Variants in SYNJ2 observed in about 807,000 individuals in gnomAD.
The protein encoded by SYNJ2 is polyphosphatidylinositol phosphatase SYNJ2.
In SYNJ2, 116 loss-of-function variants were observed where a neutral mutation model predicts 141.3. The ratio of observed to expected loss-of-function variants is 0.82; its 90% CI spans 0.71 to 0.96. The LOEUF is 0.96. Among genes scored for constraint, SYNJ2 ranks in the 40% least tolerant of loss-of-function variants. SYNJ2 has a pLI of 0.00. For synonymous variants in SYNJ2, 745 were observed against 777.7 expected (o/e 0.96, Z 0.70); for missense variants, 1,873 against 1,934.8 (o/e 0.97, Z 0.60).
At chr6:158,058,205 T>A (rs1583426398) in intron 6 of SYNJ2, among the ~76,000 whole-genome samples, 1 of 152,356 alleles carries the variant, frequency 6.6e-6, no homozygotes, top group Middle Eastern at 3.4e-3. Flanking sequence ...ACTTTTGACA[T>A]CATGTGTTTT....
chr6:158,095,884 G>C lies in SYNJ2; in HGVS notation c.4011G>C (p.Lys1337Asn). ...PLVPKVPPRR[K>N]KSAPAAFHLQ... ...TGCCCAAGGTACCCCCGAGGAGGAA[G>C]AAGTCAGCCCCCGCAGCCTTCCACC... The change falls in exon 27 of 27, where the codon AAG (lysine) becomes AAC (asparagine). Residue 1337 changes from lysine (K) to asparagine (N), a missense_variant. Physicochemically the swap from Lys to Asn is moderately conservative, Grantham distance 94. Coordinates refer to ENST00000355585, the MANE Select transcript of SYNJ2 (RefSeq NM_003898.4). 6.2e-7 allele frequency: 1 copy of C among 1,614,134 alleles called. No individual in the cohort carries two copies.
intron 26 of SYNJ2, chr6:158,093,966 G>A (rs755455658): frequency 3.9e-6 from 3 of 765,190 alleles, no homozygotes; most frequent in Non-Finnish European, 7.2e-6. Flanking sequence ...GACAGTAGCA[G>A]CCCAAAGACT....
rs561568249 is a variant in SYNJ2, at chr6:158,031,599, C to A, written c.486-1856C>A. 1.2e-3 allele frequency among the ~76,000 whole-genome samples: 180 copies of A among 144,582 alleles called. 1 individual carries two copies. Among genetic ancestry groups the A allele is most frequent in the East Asian group, 2.4e-3 (12 of 5,018 alleles). The allele number at this position is 144,582 out of a possible 152,430, so 94.9% of individuals were successfully genotyped here. On this transcript the variant is annotated intron_variant, in intron 3 of 26. Coordinates refer to ENST00000355585, the MANE Select transcript of SYNJ2 (RefSeq NM_003898.4). ...GTGGTTCTGGGCTTGATCGCCTGAA[C>A]CCCCACTGTTGTGGCGCAGCGTGAG...
intron 15 of SYNJ2, among the ~76,000 whole-genome samples, chr6:158,073,609 A>G (rs1173625280): frequency 1.3e-5 from 2 of 152,254 alleles, no homozygotes; most frequent in Non-Finnish European, 2.9e-5. Context: ...TTCCCTGGCC[A>G]CAGTGAGAAT....
intron 1 of SYNJ2, among the ~76,000 whole-genome samples, chr6:157,988,570 C>T (rs983381334): frequency 2.0e-5 from 3 of 152,196 alleles, no homozygotes; most frequent in African/African-American, 4.8e-5. Flanking sequence ...CTGGAGCGTT[C>T]CTGGGGTGCT....
rs750200037 is a variant in SYNJ2, at chr6:158,089,839, C to T, written c.3457C>T (p.Pro1153Ser). 51 of 1,612,618 alleles carry T rather than the reference C, an allele frequency of 3.2e-5. 3 individuals carry two copies. The Admixed American group carries it at 8.5e-4, about 27-fold the overall frequency. ...TGCTCTTCCTCATTCTGTCCTCAAGCCCAAGGCTCGGACTGGAATAAGTAA... is the reference window on the plus strand; with the variant it reads ...TGCTCTTCCTCATTCTGTCCTCAAGTCCAAGGCTCGGACTGGAATAAGTAA... The part of the protein sequence containing the change: ...RLLPGAPQQP[P>S]KARTGISKPY... Residue 1153 changes from proline (P) to serine (S), a missense_variant and splice_region_variant, in exon 25 of 27, where the codon CCC becomes TCC. By Grantham distance (74) the Pro-to-Ser change is moderately conservative. Coordinates refer to ENST00000355585, the MANE Select transcript of SYNJ2 (RefSeq NM_003898.4).
intron 1 of SYNJ2, among the ~76,000 whole-genome samples, chr6:158,005,711 C>T (rs12201369): frequency 6.6e-6 from 1 of 152,020 alleles, no homozygotes; most frequent in Non-Finnish European, 1.5e-5. Context: ...TCCACTCCCC[C>T]ACCCTCCCAG....
chr6:158,074,923 C>CTCT (rs1464553095), intron 16 of SYNJ2, among the ~76,000 whole-genome samples, 185 bp downstream of exon 16: 2 of 144,268 alleles, frequency 1.4e-5, no homozygotes, highest in Non-Finnish European at 3.0e-5. Flanking sequence ...ACTTCCTGTC[C>CTCT]TTTTTTTTTT....
At chr6:158,049,495 T>A (rs1780438476) in intron 5 of SYNJ2, among the ~76,000 whole-genome samples, 1 of 152,056 alleles carries the variant, frequency 6.6e-6, no homozygotes, top group African/African-American at 2.4e-5. Context: ...GAGGCCCAGC[T>A]CCCCTCCACT....
intron 1 of SYNJ2, among the ~76,000 whole-genome samples, chr6:157,997,182 C>T (rs1777666470): frequency 5.3e-5 from 8 of 152,126 alleles, no homozygotes; most frequent in Admixed American, 3.3e-4. Flanking sequence ...TGTGTGCTTA[C>T]GTGGGTGTCT....
intron 12 of SYNJ2, among the ~76,000 whole-genome samples, chr6:158,066,967 T>G (rs555705240): frequency 1.3e-5 from 2 of 152,130 alleles, no homozygotes; most frequent in Non-Finnish European, 2.9e-5. Context: ...AACTGTGAGG[T>G]TGGGAGCCAA....
intron 2 of SYNJ2, chr6:158,028,455 G>A (rs1779174741): frequency 2.3e-6 from 1 of 441,818 alleles, no homozygotes; most frequent in Non-Finnish European, 4.1e-6. Flanking sequence ...TGGAGGGCTT[G>A]TTAAAGCAAA....
intron 1 of SYNJ2, among the ~76,000 whole-genome samples, chr6:157,995,500 T>C (rs1464741994): frequency 6.6e-6 from 1 of 152,194 alleles, no homozygotes; most frequent in East Asian, 1.9e-4. Context: ...GTATTTTGAG[T>C]GCGGAGGATA....
chr6:157,988,197 G>A (rs569055029), intron 1 of SYNJ2, among the ~76,000 whole-genome samples: 90 of 152,366 alleles, frequency 5.9e-4, no homozygotes, highest in Non-Finnish European at 9.8e-4. Flanking sequence ...CATGTTACAG[G>A]TGGAACGGGA....
intron 3 of SYNJ2, among the ~76,000 whole-genome samples, chr6:158,032,624 C>T (rs1314503029): frequency 6.6e-6 from 1 of 152,228 alleles, no homozygotes; most frequent in Non-Finnish European, 1.5e-5. Flanking sequence ...CATGACGCCA[C>T]TGGCTGGCTC....
At position 158,054,988 on chromosome 6, in the gene SYNJ2, C is replaced by T; in HGVS notation, c.817C>T (p.Leu273Phe). The T allele has an allele frequency of 6.2e-7, 1 of 1,614,094 alleles. No individual in the cohort carries two copies. Among genetic ancestry groups the T allele is most frequent in the Non-Finnish European group, 8.5e-7 (1 of 1,180,024 alleles). Residue 273 changes from leucine (L) to phenylalanine (F), a missense_variant, in exon 6 of 27, where the codon CTC (leucine) becomes TTC (phenylalanine). Physicochemically the swap from Leu to Phe is conservative, Grantham distance 22 (BLOSUM62 0). Coordinates refer to ENST00000355585, the MANE Select transcript of SYNJ2 (RefSeq NM_003898.4). ...TTAGGTTGGCTCCCATCATCTGAGA[C>T]TCCACAGAGGCCTGGAAGCCAATGC... ...GLQVGSHHLR[L>F]HRGLEANAPA... is the part of the protein sequence containing the mutation.
At chr6:158,077,547 T>TA (rs2128384028) in intron 17 of SYNJ2, 1 of 151,660 alleles carries the variant, frequency 6.6e-6, no homozygotes, top group Admixed American at 6.6e-5. Context: ...AAAAATAAGT[T>TA]AGTTTTTAAA....
At chr6:158,092,286 G>A (rs981667403) in intron 25 of SYNJ2, among the ~76,000 whole-genome samples, 3 of 152,104 alleles carry the variant, frequency 2.0e-5, no homozygotes, top group Non-Finnish European at 2.9e-5. Context: ...GGGTCTCACT[G>A]GTCCCCATCC....
intron 1 of SYNJ2, among the ~76,000 whole-genome samples, chr6:157,983,822 T>TA (rs1032058365): frequency 2.6e-5 from 4 of 151,112 alleles, no homozygotes; most frequent in East Asian, 1.9e-4. Flanking sequence ...TAGAAAACTT[T>TA]AAAAAAAAAT....
Sources: gnomAD v4.1 joint callset for allele counts (sites outside exome capture counted in the v4.1 genomes callset) on GRCh38, gnomAD v4.1.1 for gene constraint, MANE v1.5 for transcripts, NCBI Gene and HGNC (gene_info 2026-07-23, HGNC 2026-07-21) for gene names.